PARP2: variants seen among roughly 807,000 people sequenced by gnomAD.
PARP2 encodes the protein poly(ADP-ribose) polymerase 2.
PARP2 carries 57 observed loss-of-function variants against 77.8 expected under a neutral mutation model. The ratio of observed to expected loss-of-function variants is 0.73; its 90% CI spans 0.59 to 0.91. The LOEUF (loss-of-function observed/expected upper bound fraction) is 0.91, where lower values mean the gene tolerates loss of function less well. PARP2 is among the 40% of genes least tolerant of loss of function. The probability of loss-of-function intolerance (pLI) is 0.00; values close to 1 mark genes in which losing one functional copy is unlikely to be tolerated. For missense variants in PARP2, 651 were observed against 689.0 expected (o/e 0.94, Z 0.62); for synonymous variants, 226 against 242.6 (o/e 0.93, Z 0.64).
chr14:20,353,208 C>T (rs1385144089), intron 7 of PARP2, among the ~76,000 whole-genome samples: 1 of 150,778 alleles, frequency 6.6e-6, no homozygotes, highest in Non-Finnish European at 1.5e-5. Context: ...ATCTTAGGCC[C>T]TATTTCCAGA....
At chr14:20,352,861 C>CT (rs1169100869) in intron 7 of PARP2, 2 of 147,410 alleles carry the variant, frequency 1.4e-5, no homozygotes, top group African/African-American at 5.2e-5. Flanking sequence ...AGTCTTGGCT[C>CT]TGTTATTTAC....
At chr14:20,352,862 T>G (rs1173796709) in intron 7 of PARP2, 1 of 147,596 alleles carries the variant, frequency 6.8e-6, no homozygotes, top group Admixed American at 6.8e-5. Context: ...GTCTTGGCTC[T>G]GTTATTTACT....
At chr14:20,350,784 C>T in intron 5 of PARP2, 162 bp downstream of exon 5, 2 of 612,676 alleles carry the variant, frequency 3.3e-6, no homozygotes, top group African/African-American at 1.8e-5. Flanking sequence ...TGGGGAATGG[C>T]AGGCATCCTC....
At chr14:20,347,350 GTGTGTGTATATATA>G (rs1242541915) in intron 4 of PARP2, among the ~76,000 whole-genome samples, 1 of 48,986 alleles carries the variant, frequency 2.0e-5, no homozygotes, top group African/African-American at 1.4e-4. Context: ...CTTCATATGT[GTGTGTGTATATATA>G]TATATATATA....
rs1385129693 is a variant in PARP2, at chr14:20,345,436, A to C, written c.245A>C (p.Asp82Ala). The C allele has an allele frequency of 6.2e-6, 10 of 1,613,830 alleles. No homozygotes were observed. In the African/African-American group the frequency reaches 1.2e-4, roughly 19 times the overall value. Reference protein sequence around the residue: ...ALLLKGKAPVDPECTAKVGKA... With the variant: ...ALLLKGKAPVAPECTAKVGKA... Reference sequence around the variant, plus strand: ...CTGTTAAAGGGCAAAGCTCCTGTGGACCCAGAGTGTACAGCCAAGGTGGGG... The same window carrying C: ...CTGTTAAAGGGCAAAGCTCCTGTGGCCCCAGAGTGTACAGCCAAGGTGGGG... The change falls in exon 3 of 16, where the codon GAC becomes GCC. Residue 82 changes from aspartate to alanine, a missense_variant. Coordinates refer to ENST00000429687, the MANE Select transcript of PARP2 (RefSeq NM_001042618.2).
chr14:20,354,889 G>A lies in PARP2; in HGVS notation c.844G>A (p.Gly282Arg). The A allele has an allele frequency of 6.2e-7, 1 of 1,614,020 alleles. No individual in the cohort carries two copies. The highest frequency in any genetic ancestry group is 8.5e-7 in the Non-Finnish European group (1 of 1,179,952). ...IEDCIRAGQH[G>R]RALMEACNEF... Reference sequence around the variant, plus strand: ...GGATTGTATTCGGGCTGGCCAGCATGGACGAGCTCTCATGGAAGCATGCAA... The same window carrying A: ...GGATTGTATTCGGGCTGGCCAGCATAGACGAGCTCTCATGGAAGCATGCAA... The change falls in exon 9 of 16, where the codon GGA becomes AGA. Residue 282 changes from glycine (G) to arginine (R), a missense_variant. Transcript: ENST00000429687.
At chr14:20,354,988 T>G (rs1239763383) in intron 9 of PARP2, 41 bp downstream of exon 9, 4 of 1,557,520 alleles carry the variant, frequency 2.6e-6, no homozygotes, top group Non-Finnish European at 1.8e-6. Context: ...CTTCTACCTA[T>G]ACATATCCCC....
intron 4 of PARP2, among the ~76,000 whole-genome samples, chr14:20,349,319 CAAAAAAA>C (rs1172006769): frequency 6.6e-6 from 1 of 151,248 alleles, no homozygotes; most frequent in Non-Finnish European, 1.5e-5. Flanking sequence ...GACCCTATCT[CAAAAAAA>C]TAAAAAATAA....
chr14:20,346,700 C>T (rs1883732079), intron 3 of PARP2, 163 bp from the exon 4 acceptor site: 1 of 577,758 alleles, frequency 1.7e-6, no homozygotes, highest in South Asian at 2.3e-5. Flanking sequence ...AGGTTACACC[C>T]AGGTTACTGG....
chr14:20,356,361 A>G lies in PARP2; in HGVS notation c.1156A>G (p.Met386Val), dbSNP rs866030053. 2.5e-6 allele frequency: 4 copies of G among 1,614,082 alleles called. No homozygotes were observed. The highest frequency in any genetic ancestry group is 1.3e-5 in the African/African-American group (1 of 75,042). ...THAPTHSDYT[M>V]TLLDLFEVEK... The stretch of plus-strand genomic sequence containing the variant: ...TGCTCCCACACACAGCGACTATACC[A>G]TGACCTTGCTGGATTTGTTTGAAGT... The change falls in exon 12 of 16, where the codon ATG (methionine) becomes GTG (valine). Residue 386 changes from methionine (M) to valine (V), a missense_variant. Physicochemically the swap from Met to Val is conservative, Grantham distance 21 (BLOSUM62 1). Coordinates refer to ENST00000429687, the MANE Select transcript of PARP2 (RefSeq NM_001042618.2).
intron 2 of PARP2, 92 bp downstream of exon 2, chr14:20,345,179 T>C: frequency 7.1e-7 from 1 of 1,408,630 alleles, no homozygotes; most frequent in Non-Finnish European, 1.0e-6. Flanking sequence ...TATTTCGTCC[T>C]TCTTTCAGGG....
chr14:20,351,970 G>C (rs1883970523), intron 6 of PARP2, among the ~76,000 whole-genome samples: 1 of 152,212 alleles, frequency 6.6e-6, no homozygotes, highest in African/African-American at 2.4e-5. Flanking sequence ...AAAGAGATTA[G>C]ATGGATATCT....
intron 11 of PARP2, 50 bp downstream of exon 11, chr14:20,356,081 C>G (rs539006768): frequency 4.4e-6 from 7 of 1,587,578 alleles, no homozygotes; most frequent in African/African-American, 1.3e-5. Context: ...TTAACCACCT[C>G]CCCCATCCCA....
rs1884072926 is a variant in PARP2 at position 20,354,565 on chromosome 14, T to C, written c.764-244T>C. On this transcript the variant is annotated intron_variant, in intron 8 of 15. Transcript: ENST00000429687. ...TAGAAAAATTAGCCAGGCATGGTGGTGTGTGCCTGTGATCTAGCTACTTGC... is the reference window on the plus strand; with the variant it reads ...TAGAAAAATTAGCCAGGCATGGTGGCGTGTGCCTGTGATCTAGCTACTTGC... The C allele has an allele frequency of 5.5e-6, 3 of 544,166 alleles. No individual in the cohort carries two copies. The East Asian group carries it at 9.2e-5, about 17-fold the overall frequency. 33.7% of individuals were successfully genotyped at this position (544,166 alleles called of 1,614,324 possible). A position where few individuals can be genotyped will look rare whatever the true frequency, so the allele number is the denominator to read the frequency against.
chr14:20,347,354 G>GTT (rs1883771350), intron 4 of PARP2, among the ~76,000 whole-genome samples: 1 of 43,952 alleles, frequency 2.3e-5, no homozygotes, highest in Non-Finnish European at 3.5e-5. Context: ...ATATGTGTGT[G>GTT]TGTATATATA....
chr14:20,345,474 T>C lies in PARP2; in HGVS notation c.273+10T>C. 6.2e-7 allele frequency: 1 copy of C among 1,605,172 alleles called. No homozygotes were observed. The highest frequency in any genetic ancestry group is 1.1e-5 in the South Asian group (1 of 90,840). ...AGCCAAGGTGGGGAAGGTAAGAGAC[T>C]CTGGAACCGATCTTCAGTCCATGGA... On this transcript the variant is annotated intron_variant, in intron 3 of 15. Coordinates refer to ENST00000429687, the MANE Select transcript of PARP2 (RefSeq NM_001042618.2).
intron 3 of PARP2, chr14:20,346,589 C>T (rs1216421704): frequency 1.6e-5 from 5 of 305,832 alleles, no homozygotes; most frequent in Non-Finnish European, 3.1e-5. Flanking sequence ...CCACCTTAGC[C>T]TCCCGAAATG....
rs190641704 is a variant in PARP2 at position 20,347,247 on chromosome 14, G to A, written c.324+334G>A. Among the ~76,000 whole-genome samples, 429 of 145,860 alleles carry A rather than the reference G, an allele frequency of 2.9e-3. 2 individuals are homozygous for A. The highest frequency in any genetic ancestry group is 0.011 in the African/African-American group (413 of 39,308). On this transcript the variant is annotated intron_variant, in intron 4 of 15. Transcript: ENST00000429687. ...GTTTCGCCACGTTAGCCAGGGTCTG[G>A]TCTCGAACTCGTGACTTCAAGTGAT...
rs759961093 is a variant in PARP2, at chr14:20,357,494, TC to T, written c.1530del (p.Ser511ValfsTer8). On this transcript the variant is annotated frameshift_variant, in exon 15 of 16. Transcript: ENST00000429687. LOFTEE classifies it high-confidence loss of function. ...HSTKGLGKMA[P>X]SSAHFVTLNG... ...GCACCAAGGGGCTGGGCAAGATGGCTCCCAGTTCTGCCCACTTCGTCACCCT... is the reference window on the plus strand; with the variant it reads ...GCACCAAGGGGCTGGGCAAGATGGCTCCAGTTCTGCCCACTTCGTCACCCT... 6.2e-7 allele frequency: 1 copy of T among 1,613,046 alleles called. No individual in the cohort carries two copies. Among genetic ancestry groups the T allele is most frequent in the East Asian group, 2.2e-5 (1 of 44,884 alleles).
Sources: gnomAD v4.1 joint callset for allele counts (sites outside exome capture counted in the v4.1 genomes callset) on GRCh38, gnomAD v4.1.1 for gene constraint, MANE v1.5 for transcripts, NCBI Gene and HGNC (gene_info 2026-07-23, HGNC 2026-07-21) for gene names.